Variants in FADS2 observed in about 807,000 individuals in gnomAD.
FADS2 encodes the protein fatty acid desaturase 2, also known as acyl-CoA 6-desaturase.
In FADS2, 18 loss-of-function variants were observed where a neutral mutation model predicts 61.2. That is an observed-to-expected ratio of 0.29 (90% CI 0.20 to 0.44). FADS2 has a LOEUF of 0.44. FADS2 is among the 20% of genes least tolerant of loss of function. The pLI, the probability that FADS2 is intolerant of heterozygous loss-of-function variation, is 1.00. For synonymous variants in FADS2, 203 were observed against 223.9 expected (o/e 0.91, Z 0.83); for missense variants, 322 against 572.7 (o/e 0.56, Z 4.47).
intron 1 of FADS2, among the ~76,000 whole-genome samples, chr11:61,833,983 G>A (rs1210043722): frequency 1.3e-5 from 2 of 152,224 alleles, no homozygotes; most frequent in South Asian, 2.1e-4. Context: ...TCCAGCGGGG[G>A]ACGCAGGCCA....
intron 10 of FADS2, among the ~76,000 whole-genome samples, 166 bp from the exon 11 acceptor site, chr11:61,864,986 G>A (rs1035066077): frequency 1.3e-5 from 2 of 152,214 alleles, no homozygotes; most frequent in Non-Finnish European, 2.9e-5. Context: ...CTCCACACAC[G>A]TGGCACCCCA....
At chr11:61,837,909 G>A (rs562022986) in intron 2 of FADS2, 21 bp downstream of exon 2, 4 of 1,565,156 alleles carry the variant, frequency 2.6e-6, no homozygotes, top group Admixed American at 3.4e-5. Flanking sequence ...CTTGCAACCT[G>A]GGTGGGGGTG....
intron 4 of FADS2, among the ~76,000 whole-genome samples, chr11:61,845,030 CTTTTTTTTT>C (rs71046747): frequency 1.1e-3 from 50 of 44,144 alleles, no homozygotes; most frequent in African/African-American, 2.5e-3. Flanking sequence ...CAGAAGTGCA[CTTTTTTTTT>C]TTTTTTTTTT....
chr11:61,825,941 G>T (rs941013630), upstream of FADS2: 1 of 632,642 alleles, frequency 1.6e-6, no homozygotes. Flanking sequence ...CCAGTGTGGG[G>T]TCAGCCCCCT....
Position 61,828,318 on chromosome 11 carries a change from G to C in FADS2, c.-73G>C, listed in dbSNP as rs1260376624. On this transcript the variant is annotated 5_prime_UTR_variant, in exon 1 of 12. Coordinates refer to ENST00000278840, the MANE Select transcript of FADS2 (RefSeq NM_004265.4). This position sits in a 1 kb window ranked among gnomAD's most constrained non-coding sequence, Gnocchi z 6.4. ...CCCGGGCTGCACACACCGGCTGGGA[G>C]GCAGCCGTCTGTGCAGCGAGCAGCC... 1 of 1,524,596 alleles carries C rather than the reference G, an allele frequency of 6.6e-7. No individual in the cohort carries two copies. 94.4% of individuals were successfully genotyped at this position (1,524,596 alleles called of 1,614,324 possible).
upstream of FADS2, among the ~76,000 whole-genome samples, chr11:61,824,469 A>AGG (rs2067060474): frequency 1.6e-4 from 1 of 6,286 alleles, no homozygotes; most frequent in African/African-American, 2.0e-4. Context: ...GGAGAGAGAG[A>AGG]GAGAGAGAGA....
chr11:61,849,330 T>C (rs1025269528), intron 5 of FADS2, among the ~76,000 whole-genome samples: 1 of 152,216 alleles, frequency 6.6e-6, no homozygotes, highest in African/African-American at 2.4e-5. Flanking sequence ...TAGAACACAC[T>C]TGGTATAAAC....
At chr11:61,856,646 G>C (rs1483128518) in intron 5 of FADS2, 1 of 249,450 alleles carries the variant, frequency 4.0e-6, no homozygotes, top group African/African-American at 2.2e-5. Context: ...TTTAGTGCCT[G>C]TCACATGGGC....
At chr11:61,836,559 G>T (rs1423858248) in intron 1 of FADS2, among the ~76,000 whole-genome samples, 1 of 151,754 alleles carries the variant, frequency 6.6e-6, no homozygotes, top group Non-Finnish European at 1.5e-5. Flanking sequence ...GTAGAGACAG[G>T]GGTCTTGCTA....
chr11:61,840,561 C>A (rs1204557922), intron 3 of FADS2, 30 bp downstream of exon 3: 13 of 1,613,538 alleles, frequency 8.1e-6, no homozygotes, highest in Non-Finnish European at 1.1e-5. Context: ...CTTCCCCTAG[C>A]TGACAGAGGC....
intron 4 of FADS2, among the ~76,000 whole-genome samples, chr11:61,845,086 C>T (rs2067246883): frequency 7.0e-6 from 1 of 143,076 alleles, no homozygotes; most frequent in Non-Finnish European, 1.5e-5. Context: ...TATGGCGCCA[C>T]CCAGCACTGC....
chr11:61,832,200 G>A (rs1237346334), intron 1 of FADS2, among the ~76,000 whole-genome samples: 1 of 152,214 alleles, frequency 6.6e-6, no homozygotes. Flanking sequence ...AAGGGAAGGT[G>A]AGAAGAGACC....
intron 4 of FADS2, 153 bp from the exon 5 acceptor site, chr11:61,848,006 C>G (rs888980328): frequency 3.7e-6 from 3 of 812,888 alleles, no homozygotes; most frequent in Non-Finnish European, 3.9e-6. Context: ...TGAGCTCAGT[C>G]ATGGCAGGGC....
At chr11:61,825,192 G>C (rs1295551244), upstream of FADS2, among the ~76,000 whole-genome samples, 1 of 152,052 alleles carries the variant, frequency 6.6e-6, no homozygotes, top group Non-Finnish European at 1.5e-5. Flanking sequence ...CCTCATCTTG[G>C]TAAATGGTCC....
intron 4 of FADS2, among the ~76,000 whole-genome samples, chr11:61,843,172 A>G (rs2135963612): frequency 6.6e-6 from 1 of 152,370 alleles, no homozygotes; most frequent in South Asian, 2.1e-4. Context: ...GCTCACGCCT[A>G]TAACCTCAGC....
intron 9 of FADS2, 51 bp downstream of exon 9, chr11:61,863,429 T>G: frequency 7.4e-7 from 1 of 1,358,506 alleles, no homozygotes; most frequent in Non-Finnish European, 1.1e-6. Flanking sequence ...GTCCATGTCC[T>G]GGCCCCAGAT....
chr11:61,852,367 C>T (rs951250961), intron 5 of FADS2, among the ~76,000 whole-genome samples: 4 of 152,144 alleles, frequency 2.6e-5, no homozygotes, highest in Non-Finnish European at 4.4e-5. Context: ...CTCAAGCCAT[C>T]GTTCTGCCTC....
chr11:61,828,858 T>G lies in FADS2; in HGVS notation c.207+261T>G. ...AGCGGTGGAGAACAGGGCAAGCATC[T>G]ACCGCGCGCGCCGGGACCCACGCGT... On this transcript the variant is annotated intron_variant, in intron 1 of 11. Transcript: ENST00000278840. This position sits in a 1 kb window ranked among gnomAD's most constrained non-coding sequence, Gnocchi z 6.4. 1 of 440,438 alleles carries G rather than the reference T, an allele frequency of 2.3e-6. No homozygotes were observed. Among genetic ancestry groups the G allele is most frequent in the East Asian group, 4.2e-5 (1 of 23,862 alleles). The allele number at this position is 440,438 out of a possible 1,614,324, so 27.3% of individuals were successfully genotyped here.
At chr11:61,853,332 C>CTTCCTTCT (rs2067327391) in intron 5 of FADS2, among the ~76,000 whole-genome samples, 1 of 120,988 alleles carries the variant, frequency 8.3e-6, no homozygotes, top group Non-Finnish European at 1.7e-5. Context: ...TCCTTCCTTC[C>CTTCCTTCT]TTTCCTTCTT....
Sources: allele counts gnomAD v4.1 joint callset (sites outside exome capture counted in the v4.1 genomes callset), GRCh38; gene constraint gnomAD v4.1.1; non-coding constraint Gnocchi (gnomAD v3.1); transcripts MANE v1.5; gene names NCBI Gene and HGNC (gene_info 2026-07-23, HGNC 2026-07-21).